Variants in UBR3 observed in about 807,000 individuals in gnomAD.
UBR3 encodes E3 ubiquitin-protein ligase UBR3.
In UBR3, 85 loss-of-function variants were observed where a neutral mutation model predicts 243.2. The observed-to-expected ratio is 0.35, with a 90% CI of 0.29 to 0.42. The LOEUF (loss-of-function observed/expected upper bound fraction) is 0.42. UBR3 is among the 10% of genes least tolerant of loss of function. UBR3 has a pLI of 1.00. For missense variants in UBR3, 1,686 were observed against 2,300.8 expected, an observed-to-expected ratio of 0.73 and a Z score of 5.47; for synonymous variants, 748 against 799.8, an observed-to-expected ratio of 0.94 and a Z score of 1.09.
intron 26 of UBR3, among the ~76,000 whole-genome samples, chr2:169,997,987 G>C (rs1465954692): frequency 4.3e-5 from 6 of 139,454 alleles, no homozygotes; most frequent in Non-Finnish European, 1.6e-5. Flanking sequence ...GTTTCACCAG[G>C]GACCTGGCCC....
chr2:169,942,778 A>T (rs1243159219), intron 20 of UBR3, 144 bp downstream of exon 20: 12 of 855,650 alleles, frequency 1.4e-5, no homozygotes, highest in Admixed American at 1.1e-4. Context: ...TGTTATAATC[A>T]CATGTATTTG....
chr2:169,996,516 C>G (rs2089481729), intron 26 of UBR3, among the ~76,000 whole-genome samples: 1 of 151,986 alleles, frequency 6.6e-6, no homozygotes, highest in African/African-American at 2.4e-5. Flanking sequence ...TAGGTTAGGC[C>G]TGTTAGACAG....
chr2:169,932,259 G>T (rs1296693321), intron 18 of UBR3, among the ~76,000 whole-genome samples: 2 of 151,892 alleles, frequency 1.3e-5, no homozygotes, highest in East Asian at 3.9e-4. Flanking sequence ...TGTATTTTTA[G>T]TAGAGACGGG....
chr2:170,036,443 A>G (rs377501894), intron 31 of UBR3, among the ~76,000 whole-genome samples: 1 of 151,974 alleles, frequency 6.6e-6, no homozygotes. Context: ...TGTCCTTAGA[A>G]TGGCTATTTT....
At chr2:169,916,638 A>G (rs1211850726) in intron 11 of UBR3, among the ~76,000 whole-genome samples, 1 of 151,888 alleles carries the variant, frequency 6.6e-6, no homozygotes, top group African/African-American at 2.4e-5. Context: ...GCACATGTGG[A>G]TAATCTCCTT....
At chr2:169,931,077 C>T (rs1481165588) in intron 18 of UBR3, among the ~76,000 whole-genome samples, 6 of 152,126 alleles carry the variant, frequency 3.9e-5, no homozygotes, top group Non-Finnish European at 7.4e-5. Context: ...CAAGGCCGGG[C>T]GCAGTGGCTC....
chr2:169,864,622 G>C lies in UBR3; in HGVS notation c.546-7614G>C, dbSNP rs377422677. On this transcript the variant is annotated intron_variant, in intron 1 of 38. Transcript: ENST00000272793. ...CATCTCTACTAAAAATACAAAAGAA[G>C]GCCGGGCGCGGTGGCTCACACCTGT... 3.9e-5 allele frequency among the ~76,000 whole-genome samples: 6 copies of C among 151,964 alleles called. No individual in the cohort carries two copies. The South Asian group carries it at 1.2e-3, about 32-fold the overall frequency.
At chr2:169,919,114 G>A (rs1274933756) in intron 11 of UBR3, among the ~76,000 whole-genome samples, 1 of 152,140 alleles carries the variant, frequency 6.6e-6, no homozygotes, top group Non-Finnish European at 1.5e-5. Context: ...TGTATACAAA[G>A]GCACAGAAGC....
At chr2:169,908,364 T>G (rs1419985311) in intron 10 of UBR3, among the ~76,000 whole-genome samples, 1 of 152,232 alleles carries the variant, frequency 6.6e-6, no homozygotes, top group East Asian at 1.9e-4. Flanking sequence ...TTCTCAAGAC[T>G]CAGATATATA....
In UBR3 at chr2:169,827,810, C is replaced by T. The variant is rs2081792501; in HGVS notation, c.303C>T (p.Gly101=). 1.3e-6 allele frequency: 2 copies of T among 1,496,252 alleles called. No individual in the cohort carries two copies. The highest frequency in any genetic ancestry group is 1.3e-5 in the South Asian group (1 of 79,634). The allele number at this position is 1,496,252 out of a possible 1,614,324, so 92.7% of individuals were successfully genotyped here. A position where few individuals can be genotyped will look rare whatever the true frequency, so the allele number is the denominator to read the frequency against. Residue 101 remains glycine, a synonymous_variant, in exon 1 of 39, where the codon GGC becomes GGT. Coordinates refer to ENST00000272793, the MANE Select transcript of UBR3 (RefSeq NM_172070.4). ...LEWCKCLLAG[G]GGYDEFCAAV... ...GGTGTAAGTGCCTTCTGGCGGGCGGCGGCGGCTACGACGAGTTCTGCGCGG... is the reference window on the plus strand; with the variant it reads ...GGTGTAAGTGCCTTCTGGCGGGCGGTGGCGGCTACGACGAGTTCTGCGCGG...
At chr2:169,873,991 T>C (rs2083514325) in intron 2 of UBR3, among the ~76,000 whole-genome samples, 1 of 152,162 alleles carries the variant, frequency 6.6e-6, no homozygotes, top group South Asian at 2.1e-4. Flanking sequence ...ATAACAGTTA[T>C]AAAATGTAGA....
intron 10 of UBR3, among the ~76,000 whole-genome samples, chr2:169,907,160 C>G (rs757117891): frequency 5.9e-5 from 9 of 151,458 alleles, no homozygotes; most frequent in Non-Finnish European, 1.2e-4. Flanking sequence ...CCTGAGCCTC[C>G]CGAGTAGCTG....
chr2:169,884,470 A>G (rs2084016062), intron 5 of UBR3, among the ~76,000 whole-genome samples: 1 of 152,182 alleles, frequency 6.6e-6, no homozygotes, highest in African/African-American at 2.4e-5. Context: ...TTAACTTTGT[A>G]AAGCAGAAGA....
chr2:170,062,434 T>G (rs1327941592), intron 35 of UBR3, among the ~76,000 whole-genome samples: 3 of 152,212 alleles, frequency 2.0e-5, no homozygotes, highest in Admixed American at 6.5e-5. Context: ...ATTAAATAGT[T>G]TTGAATTCTT....
rs192007868 is a variant in UBR3, at chr2:170,021,281, G to A, written c.4453+5915G>A. 5.0e-3 allele frequency among the ~76,000 whole-genome samples: 764 copies of A among 152,130 alleles called. 5 individuals are homozygous for A. Among genetic ancestry groups the A allele is most frequent in the Admixed American group, 7.2e-3 (110 of 15,268 alleles). On this transcript the variant is annotated intron_variant, in intron 30 of 38. Transcript: ENST00000272793. ...GATAACACTTTTTAGCTCAATTTTT[G>A]TCTTAGTCTATAACAATATACCATA...
At chr2:169,889,103 A>G (rs555397239) in intron 5 of UBR3, among the ~76,000 whole-genome samples, 4 of 152,102 alleles carry the variant, frequency 2.6e-5, no homozygotes, top group South Asian at 4.2e-4. Context: ...AAGAGTACCT[A>G]TTTTCCCACC....
chr2:169,837,471 C>T (rs1263811975), intron 1 of UBR3, among the ~76,000 whole-genome samples: 2 of 152,108 alleles, frequency 1.3e-5, no homozygotes, highest in Non-Finnish European at 2.9e-5. Flanking sequence ...AGGAAATCTC[C>T]GTCTCAAAAA....
At chr2:170,023,801 C>A (rs2090455419) in intron 30 of UBR3, among the ~76,000 whole-genome samples, 1 of 152,178 alleles carries the variant, frequency 6.6e-6, no homozygotes, top group African/African-American at 2.4e-5. Context: ...CCGTCTTGAA[C>A]TCCTGAACTC....
At chr2:170,041,082 C>A in intron 32 of UBR3, 97 bp downstream of exon 32, 2 of 1,194,804 alleles carry the variant, frequency 1.7e-6, no homozygotes, top group Non-Finnish European at 1.2e-6. Context: ...GTGGCTCATG[C>A]TTGTAATCCC....
Sources: gnomAD v4.1 joint callset for allele counts (sites outside exome capture counted in the v4.1 genomes callset) on GRCh38, gnomAD v4.1.1 for gene constraint, MANE v1.5 for transcripts, NCBI Gene and HGNC (gene_info 2026-07-23, HGNC 2026-07-21) for gene names.